GRM8: variants seen among roughly 807,000 people sequenced by gnomAD.
The protein encoded by GRM8 is glutamate metabotropic receptor 8, also known as metabotropic glutamate receptor 8.
Under a neutral mutation model 87.2 loss-of-function variants are expected in GRM8, and 47 were observed. The observed-to-expected ratio is 0.54, with a 90% CI of 0.43 to 0.69. GRM8 has a LOEUF of 0.69. Ranked by LOEUF, GRM8 falls within the 30% of genes least tolerant of loss-of-function variation. The pLI is 0.00. For missense variants in GRM8, 1,019 were observed against 1,139.2 expected, an observed-to-expected ratio of 0.89 and a Z score of 1.52; for synonymous variants, 396 against 404.5, an observed-to-expected ratio of 0.98 and a Z score of 0.25.
intron 8 of GRM8, among the ~76,000 whole-genome samples, chr7:126,555,630 T>G (rs1199021748): frequency 6.6e-6 from 1 of 152,248 alleles, no homozygotes; most frequent in East Asian, 1.9e-4. Context: ...AACAATTTAT[T>G]ACGAGGGTTT....
intron 7 of GRM8, among the ~76,000 whole-genome samples, chr7:126,734,427 A>AT (rs1813964595): frequency 6.6e-6 from 1 of 151,792 alleles, no homozygotes; most frequent in Admixed American, 6.6e-5. Flanking sequence ...AGATAGCCAG[A>AT]TTAATAAAAT....
chr7:126,792,685 A>G (rs888108518), intron 6 of GRM8, among the ~76,000 whole-genome samples: 1 of 152,224 alleles, frequency 6.6e-6, no homozygotes, highest in African/African-American at 2.4e-5. Flanking sequence ...CCAATGAAAG[A>G]GAAAAAGGCC....
At chr7:126,597,001 T>C (rs1303606569) in intron 8 of GRM8, among the ~76,000 whole-genome samples, 2 of 152,142 alleles carry the variant, frequency 1.3e-5, no homozygotes, top group Non-Finnish European at 2.9e-5. Flanking sequence ...TACATTTCTA[T>C]GTCCTTGTTG....
chr7:126,464,054 G>C (rs917366796), intron 9 of GRM8, among the ~76,000 whole-genome samples: 2 of 151,570 alleles, frequency 1.3e-5, no homozygotes, highest in Non-Finnish European at 3.0e-5. Context: ...TTGAGCATTT[G>C]AGTATCTTCT....
rs376076202 is a variant in GRM8, at chr7:126,439,083, A to T, written c.*36T>A. The T allele has an allele frequency of 3.1e-5, 40 of 1,276,018 alleles. No homozygotes were observed. The African/African-American group carries it at 5.9e-4, about 19-fold the overall frequency. 79.0% of individuals were successfully genotyped at this position (1,276,018 alleles called of 1,614,324 possible). A position where few individuals can be genotyped will look rare whatever the true frequency, so the allele number is the denominator to read the frequency against. On this transcript the variant is annotated 3_prime_UTR_variant, in exon 11 of 11. Transcript: ENST00000339582. ...TCTCATGTTCATCATTTAAGATCAT[A>T]TACCACATCTCTTCAGATTGTGCCA...
At chr7:126,941,619 CAA>C (rs548231122) in intron 3 of GRM8, among the ~76,000 whole-genome samples, 22 of 107,922 alleles carry the variant, frequency 2.0e-4, no homozygotes, top group Admixed American at 1.9e-4. Flanking sequence ...GACTCTGTCT[CAA>C]AAAAAAAAAA....
chr7:127,008,335 C>T (rs779922516), intron 3 of GRM8, among the ~76,000 whole-genome samples: 1 of 152,002 alleles, frequency 6.6e-6, no homozygotes. Context: ...AAATAATGAG[C>T]TTCCTTTTAG....
At chr7:126,631,962 T>C (rs1303624764) in intron 7 of GRM8, among the ~76,000 whole-genome samples, 1 of 152,112 alleles carries the variant, frequency 6.6e-6, no homozygotes, top group Non-Finnish European at 1.5e-5. Context: ...ATTCAGGACA[T>C]AGGCATGGGC....
At chr7:126,545,668 A>C (rs1817066760) in intron 8 of GRM8, among the ~76,000 whole-genome samples, 1 of 152,196 alleles carries the variant, frequency 6.6e-6, no homozygotes, top group Non-Finnish European at 1.5e-5. Context: ...GTTATACATA[A>C]ATAATTACAT....
chr7:126,649,538 T>TTA (rs942965185), intron 7 of GRM8, among the ~76,000 whole-genome samples: 3 of 152,056 alleles, frequency 2.0e-5, no homozygotes, highest in African/African-American at 4.8e-5. Context: ...AAACTGTCTT[T>TTA]TATATATATA....
intron 6 of GRM8, among the ~76,000 whole-genome samples, chr7:126,823,509 CCTGT>C (rs1290094420): frequency 1.3e-5 from 2 of 152,026 alleles, no homozygotes; most frequent in African/African-American, 4.8e-5. Flanking sequence ...TAGATGTGAC[CCTGT>C]CTAAGATAAA....
chr7:126,505,645 G>A (rs1475946254), intron 9 of GRM8, among the ~76,000 whole-genome samples: 2 of 151,952 alleles, frequency 1.3e-5, no homozygotes, highest in South Asian at 2.1e-4. Context: ...CTCCTGCCCC[G>A]CTTTATATAA....
intron 3 of GRM8, among the ~76,000 whole-genome samples, chr7:126,927,226 C>T (rs1805231843): frequency 6.6e-6 from 1 of 152,186 alleles, no homozygotes; most frequent in Non-Finnish European, 1.5e-5. Flanking sequence ...ATCTCAAACT[C>T]CTGGGCTCAA....
At chr7:126,630,131 A>G (rs978166520) in intron 7 of GRM8, among the ~76,000 whole-genome samples, 9 of 133,782 alleles carry the variant, frequency 6.7e-5, no homozygotes, top group Non-Finnish European at 1.6e-4. Flanking sequence ...CACAACACCA[A>G]ATAAGAAAAA....
rs185865449 is a variant in GRM8, at chr7:126,488,175, A to G, written c.2431-41803T>C. On this transcript the variant is annotated intron_variant, in intron 9 of 10. Transcript: ENST00000339582. The stretch of plus-strand genomic sequence containing the variant: ...ATAGCATTCAGCTGTAACTGGACAG[A>G]AAAAAAAACAAAAAACAGGAAGTTC... 4.5e-3 allele frequency among the ~76,000 whole-genome samples: 625 copies of G among 138,920 alleles called. 5 individuals are homozygous for G. Among genetic ancestry groups the G allele is most frequent in the African/African-American group, 0.019 (597 of 31,604 alleles). 91.1% of individuals were successfully genotyped at this position (138,920 alleles called of 152,430 possible). A position where few individuals can be genotyped will look rare whatever the true frequency, so the allele number is the denominator to read the frequency against.
At chr7:126,714,050 T>A (rs1332389271) in intron 7 of GRM8, among the ~76,000 whole-genome samples, 1 of 151,040 alleles carries the variant, frequency 6.6e-6, no homozygotes, top group Non-Finnish European at 1.5e-5. Flanking sequence ...GGCGGGCGGA[T>A]CACTTGAGGT....
chr7:126,592,487 A>C (rs920447817), intron 8 of GRM8, among the ~76,000 whole-genome samples: 2 of 152,098 alleles, frequency 1.3e-5, no homozygotes, highest in African/African-American at 4.8e-5. Context: ...TATGTAAATT[A>C]ATAAATGTGA....
At chr7:126,551,558 A>G (rs1219205310) in intron 8 of GRM8, among the ~76,000 whole-genome samples, 1 of 152,172 alleles carries the variant, frequency 6.6e-6, no homozygotes. Flanking sequence ...GTGAGATAGA[A>G]CTAAAGTATG....
At chr7:126,855,503 G>A (rs1671219322) in intron 6 of GRM8, among the ~76,000 whole-genome samples, 5 of 140,968 alleles carry the variant, frequency 3.5e-5, no homozygotes, top group African/African-American at 8.0e-5. Flanking sequence ...ACAGAGTCTC[G>A]TTCTATCCCC....
Sources: allele counts gnomAD v4.1 joint callset (sites outside exome capture counted in the v4.1 genomes callset), GRCh38; gene constraint gnomAD v4.1.1; transcripts MANE v1.5; gene names NCBI Gene and HGNC (gene_info 2026-07-23, HGNC 2026-07-21).